The following POLR2E variants were observed in gnomAD, a reference collection of about 807,000 sequenced individuals.
POLR2E encodes the protein DNA-directed RNA polymerases I, II, and III subunit RPABC1.
Under a neutral mutation model 29.8 loss-of-function variants are expected in POLR2E, and 35 were observed. The observed-to-expected ratio is 1.17, with a 90% CI of 0.90 to 1.55. POLR2E has a LOEUF of 1.55. Among genes scored for constraint, POLR2E ranks in the 40% most tolerant of loss-of-function variants. POLR2E has a pLI of 0.00. For synonymous variants in POLR2E, 174 were observed against 112.6 expected (o/e 1.55, Z -3.45); for missense variants, 287 against 288.6 (o/e 0.99, Z 0.04).
At chr19:1,089,598 T>C (rs1232496519) in intron 6 of POLR2E, 47 bp from the exon 7 acceptor site, 8 of 1,510,074 alleles carry the variant, frequency 5.3e-6, no homozygotes, top group African/African-American at 2.7e-5. Context: ...GGGGTCTCAC[T>C]GCAGTCACCA....
Position 1,091,804 on chromosome 19 carries a change from G to C in POLR2E, c.336C>G (p.Pro112=), listed in dbSNP as rs2043838695. The change falls in exon 3 of 8, where the codon CCC becomes CCG. Residue 112 remains proline (P), a synonymous_variant. Coordinates refer to ENST00000615234, the MANE Select transcript of POLR2E (RefSeq NM_002695.5). ...CAGGGGTGCCCACCTGCTTGGCGGA[G>C]GGTGTCATGCCCTGCTGCACCACGA... is the stretch of plus-strand genomic sequence containing the variant. The part of the protein sequence containing the change: ...ALIVVQQGMT[P]SAKQSLVDMA... 2.5e-6 allele frequency: 4 copies of C among 1,607,566 alleles called. No homozygotes were observed. The highest frequency in any genetic ancestry group is 2.2e-5 in the East Asian group (1 of 44,848).
chr19:1,091,040 A>C (rs968401618), intron 3 of POLR2E, 52 bp from the exon 4 acceptor site: 2 of 1,514,120 alleles, frequency 1.3e-6, no homozygotes, highest in Middle Eastern at 1.7e-4. Flanking sequence ...GACAACCCCA[A>C]CCCCATTTCC....
intron 1 of POLR2E, chr19:1,094,319 C>CA (rs2043898394): frequency 4.2e-6 from 2 of 474,586 alleles, no homozygotes; most frequent in Non-Finnish European, 7.4e-6. Flanking sequence ...ACCGTCTGTC[C>CA]ACCCAGCCTC....
At chr19:1,091,452 C>G in intron 3 of POLR2E, 1 of 388,232 alleles carries the variant, frequency 2.6e-6, no homozygotes, top group East Asian at 5.3e-5. Context: ...GCCTCCTCTG[C>G]AAGTCCCCCT....
At chr19:1,092,194 C>G (rs1282886895) in intron 2 of POLR2E, 1 of 379,574 alleles carries the variant, frequency 2.6e-6, no homozygotes, top group East Asian at 5.6e-5. Flanking sequence ...GAGGCTCCCA[C>G]CCTGGGCAGT....
chr19:1,093,389 C>T lies in POLR2E; in HGVS notation c.232+515G>A, dbSNP rs191145632. On this transcript the variant is annotated intron_variant, in intron 2 of 7. Coordinates refer to ENST00000615234, the MANE Select transcript of POLR2E (RefSeq NM_002695.5). ...GACTTCCGCAAAGCAGGTGCTGAAA[C>T]CGAGGGTCCCAGGGGTCCTGGGAAA... Among the ~76,000 whole-genome samples the T allele has an allele frequency of 1.1e-3, 173 of 152,238 alleles. 3 individuals are homozygous for T. In the East Asian group the frequency reaches 0.026, roughly 23 times the overall value.
chr19:1,092,300 C>T (rs776125191), intron 2 of POLR2E: 12 of 189,162 alleles, frequency 6.3e-5, no homozygotes, highest in African/African-American at 9.4e-5. Context: ...AGGCCGGGTG[C>T]GGTGGCTCAC....
At chr19:1,089,407 C>A (rs41563717) in intron 7 of POLR2E, 65 bp downstream of exon 7, 1 of 1,080,466 alleles carries the variant, frequency 9.3e-7, no homozygotes, top group East Asian at 2.5e-5. Flanking sequence ...GCCCTGCACA[C>A]CGACGGAGGG....
intron 1 of POLR2E, chr19:1,094,800 G>A (rs1358790627): frequency 1.1e-5 from 2 of 179,594 alleles, no homozygotes; most frequent in Non-Finnish European, 2.3e-5. Flanking sequence ...CCCAAGGCAC[G>A]GGTTCCGAGC....
At chr19:1,089,369 G>A in intron 7 of POLR2E, 103 bp downstream of exon 7, 1 of 763,244 alleles carries the variant, frequency 1.3e-6, no homozygotes, top group South Asian at 1.6e-5. Flanking sequence ...GTGCTAGGAG[G>A]GTCTTGCTGC....
In POLR2E at chr19:1,088,255, A is replaced by T. The variant is rs2145128444; in HGVS notation, c.*480T>A. 1 of 152,544 alleles carries T rather than the reference A, an allele frequency of 6.6e-6. No homozygotes were observed. Among genetic ancestry groups the T allele is most frequent in the South Asian group, 2.1e-4 (1 of 4,832 alleles). The allele number at this position is 152,544 out of a possible 1,614,324, so 9.4% of individuals were successfully genotyped here. A position where few individuals can be genotyped will look rare whatever the true frequency, so the allele number is the denominator to read the frequency against. ...AACAACCGAGAACTCCAGAGCTGGC[A>T]TCTCGCACCCTGGTGGCTTGAGCGC... On this transcript the variant is annotated 3_prime_UTR_variant, in exon 8 of 8. Transcript: ENST00000615234.
chr19:1,094,373 G>A, intron 1 of POLR2E: 1 of 405,306 alleles, frequency 2.5e-6, no homozygotes, highest in Non-Finnish European at 4.4e-6. Context: ...CCACTTTGCA[G>A]AGCTACCCTA....
At chr19:1,093,342 T>C (rs1458137735) in intron 2 of POLR2E, among the ~76,000 whole-genome samples, 1 of 152,192 alleles carries the variant, frequency 6.6e-6, no homozygotes, top group Non-Finnish European at 1.5e-5. Flanking sequence ...AGAGCCATAC[T>C]AGGGAGGCAG....
chr19:1,091,716 G>A (rs2043835040), intron 3 of POLR2E, 76 bp downstream of exon 3: 1 of 1,005,004 alleles, frequency 1.0e-6, no homozygotes, highest in Non-Finnish European at 1.5e-6. Context: ...AAGGCACGTG[G>A]GCCGCCTGTG....
Position 1,087,983 on chromosome 19 carries a change from G to A in POLR2E, c.*752C>T, listed in dbSNP as rs2043742364. The A allele has an allele frequency of 6.6e-6, 1 of 152,372 alleles. No homozygotes were observed. The highest frequency in any genetic ancestry group is 2.4e-5 in the African/African-American group (1 of 41,430). 9.4% of individuals were successfully genotyped at this position (152,372 alleles called of 1,614,324 possible). ...CAGAGAACAACTCCACACCCTCACG[G>A]GAAGGGAAGAGACAGACACGCTCAC... is the stretch of plus-strand genomic sequence containing the variant. On this transcript the variant is annotated 3_prime_UTR_variant, in exon 8 of 8. Transcript: ENST00000615234.
At position 1,091,741 on chromosome 19, in the gene POLR2E, G is replaced by A. The variant is rs762639967; in HGVS notation, c.348+51C>T. 1.7e-5 allele frequency: 21 copies of A among 1,251,412 alleles called. No homozygotes were observed. In the African/African-American group the frequency reaches 2.8e-4, roughly 17 times the overall value. 77.5% of individuals were successfully genotyped at this position (1,251,412 alleles called of 1,614,324 possible). A position where few individuals can be genotyped will look rare whatever the true frequency, so the allele number is the denominator to read the frequency against. On this transcript the variant is annotated intron_variant, in intron 3 of 7. Coordinates refer to ENST00000615234, the MANE Select transcript of POLR2E (RefSeq NM_002695.5). ...GGCCGCCTGTGGGTACTGCTTGCGGGAGGAGGCTGGGGAGGGGGAGAGGCT... is the reference window on the plus strand; with the variant it reads ...GGCCGCCTGTGGGTACTGCTTGCGGAAGGAGGCTGGGGAGGGGGAGAGGCT...
chr19:1,088,920 G>A (rs539905528), intron 7 of POLR2E, among the ~76,000 whole-genome samples, 200 bp from the exon 8 acceptor site: 38 of 152,306 alleles, frequency 2.5e-4, no homozygotes, highest in African/African-American at 7.7e-4. Context: ...AACCGTGCCA[G>A]CGTCAGACCA....
chr19:1,091,542 A>G (rs2043830138), intron 3 of POLR2E: 2 of 531,490 alleles, frequency 3.8e-6, no homozygotes, highest in South Asian at 4.2e-5. Context: ...GGAGCTGGCG[A>G]GAGGCACAGT....
intron 7 of POLR2E, among the ~76,000 whole-genome samples, chr19:1,089,253 G>A (rs1402161627): frequency 6.6e-6 from 1 of 152,236 alleles, no homozygotes; most frequent in Non-Finnish European, 1.5e-5. Context: ...CCGCGTACCA[G>A]GACTCTCCCG....
Sources: gnomAD v4.1 joint callset for allele counts (sites outside exome capture counted in the v4.1 genomes callset) on GRCh38, gnomAD v4.1.1 for gene constraint, MANE v1.5 for transcripts, NCBI Gene and HGNC (gene_info 2026-07-23, HGNC 2026-07-21) for gene names.